The following PROSER2 variants were observed in gnomAD, a reference collection of about 807,000 sequenced individuals.
PROSER2 encodes proline and serine rich 2, also known as proline and serine-rich protein 2.
Under a neutral mutation model 14.6 loss-of-function variants are expected in PROSER2, and 18 were observed. That is an observed-to-expected ratio of 1.23 (90% CI 0.85 to 1.83). PROSER2 has a LOEUF of 1.83. Ranked by LOEUF, PROSER2 falls within the 40% of genes most tolerant of loss-of-function variation. The pLI is 0.00. For missense variants in PROSER2, 823 were observed against 629.8 expected, an observed-to-expected ratio of 1.31 and a Z score of -3.28; for synonymous variants, 367 against 286.4, an observed-to-expected ratio of 1.28 and a Z score of -2.84.
In PROSER2 at chr10:11,869,796, C is replaced by T. The variant is rs1423462178; in HGVS notation, c.698C>T (p.Pro233Leu). ...TGGAGGACACCTGCCGCCCGGGGGC[C>T]CCGCAGTGGAGACCCTGGCCCGGGG... ...GEWRTPAARG[P>L]RSGDPGPGPS... Residue 233 changes from proline (P) to leucine (L), a missense_variant, in exon 4 of 4, where the codon CCC becomes CTC. By Grantham distance (98) the Pro-to-Leu change is moderately conservative. Transcript: ENST00000277570. The surrounding 1 kb of genome is among the most constrained non-coding windows in gnomAD (Gnocchi z 4.4). 1.3e-6 allele frequency: 2 copies of T among 1,554,122 alleles called. No individual in the cohort carries two copies. Among genetic ancestry groups the T allele is most frequent in the East Asian group, 4.7e-5 (2 of 42,406 alleles).
At chr10:11,854,565 C>A (rs1322671782) in intron 2 of PROSER2, among the ~76,000 whole-genome samples, 3 of 151,832 alleles carry the variant, frequency 2.0e-5, no homozygotes, top group Non-Finnish European at 4.4e-5. Flanking sequence ...CCTGCCTCAG[C>A]CTTCGCAAGT....
rs1223916010 is a variant in PROSER2, at chr10:11,852,105, G to A, written c.28G>A (p.Ala10Thr). Residue 10 changes from alanine (A) to threonine (T), a missense_variant, in exon 2 of 4, where the codon GCA (alanine) becomes ACA (threonine). Ala to Thr is a moderately conservative substitution (Grantham distance 58). Transcript: ENST00000277570. The part of the protein sequence containing the change: MPVTHRKSD[A>T]SDMNSDTSPS... The stretch of plus-strand genomic sequence containing the variant: ...GCCTGTAACCCACCGGAAATCAGAC[G>A]CATCTGACATGAACTCAGACACGTC... 8.7e-6 allele frequency: 14 copies of A among 1,612,078 alleles called. No homozygotes were observed. The highest frequency in any genetic ancestry group is 1.6e-4 in the Middle Eastern group (1 of 6,078).
intron 1 of PROSER2, among the ~76,000 whole-genome samples, chr10:11,842,928 G>GTTTTTTTTTTTTTTTTTTTTTT (rs1554766492): frequency 1.9e-5 from 1 of 51,714 alleles, no homozygotes; most frequent in Non-Finnish European, 4.3e-5. Context: ...TTTTGCCATT[G>GTTTTTTTTTTTTTTTTTTTTTT]TTCTTTTTTT....
rs1240750788 is a variant in PROSER2, at chr10:11,837,903, C to T, written c.-81-14094C>T. On this transcript the variant is annotated intron_variant, in intron 1 of 3. Coordinates refer to ENST00000277570, the MANE Select transcript of PROSER2 (RefSeq NM_153256.4). The surrounding 1 kb of genome is among the most constrained non-coding windows in gnomAD (Gnocchi z 4.6). ...GTTACCTTCGGGGTTTTTCCTCTTC[C>T]TGTTCGTACACCCTTGCGGTCTTCG... Among the ~76,000 whole-genome samples, 1 of 152,042 alleles carries T rather than the reference C, an allele frequency of 6.6e-6. No homozygotes were observed. Among genetic ancestry groups the T allele is most frequent in the Non-Finnish European group, 1.5e-5 (1 of 68,020 alleles).
chr10:11,839,631 C>T (rs1833808154), intron 1 of PROSER2, among the ~76,000 whole-genome samples: 1 of 152,002 alleles, frequency 6.6e-6, no homozygotes, highest in Non-Finnish European at 1.5e-5. Flanking sequence ...TCAAGACCAG[C>T]CTGGGCAACA....
chr10:11,833,431 C>T (rs1037211557), intron 1 of PROSER2, among the ~76,000 whole-genome samples: 4 of 151,510 alleles, frequency 2.6e-5, no homozygotes, highest in South Asian at 2.1e-4. Flanking sequence ...TGGCTCACAC[C>T]GGTAATCCCA....
chr10:11,852,684 ATTTTTTTTTTT>A (rs33939695), intron 2 of PROSER2, among the ~76,000 whole-genome samples: 1 of 98,024 alleles, frequency 1.0e-5, no homozygotes, highest in Admixed American at 1.2e-4. Flanking sequence ...ACACCCGGCT[ATTTTTTTTTTT>A]TTTTTTTTTT....
At position 11,857,820 on chromosome 10, in the gene PROSER2, C is replaced by T. The variant is rs191388087; in HGVS notation, c.138+5605C>T. On this transcript the variant is annotated intron_variant, in intron 2 of 3. Transcript: ENST00000277570. ...TGTGCCGCGCCCACTTCGGCAACCT[C>T]GGAAGAGAGACTCTAAGTGCAGGTG... Among the ~76,000 whole-genome samples the T allele has an allele frequency of 1.3e-3, 202 of 151,986 alleles. 1 individual carries two copies. The highest frequency in any genetic ancestry group is 4.5e-3 in the African/African-American group (187 of 41,478).
intron 1 of PROSER2, among the ~76,000 whole-genome samples, chr10:11,825,907 G>T (rs758608294): frequency 1.3e-5 from 2 of 152,128 alleles, no homozygotes; most frequent in Non-Finnish European, 2.9e-5. Flanking sequence ...AAAATTTACC[G>T]CTTTAAAGTG....
Position 11,869,401 on chromosome 10 carries a change from T to C in PROSER2, c.392-89T>C, listed in dbSNP as rs150932606. 2.7e-4 allele frequency: 268 copies of C among 990,952 alleles called. No homozygotes were observed. In the African/African-American group the frequency reaches 3.9e-3, roughly 15 times the overall value. The allele number at this position is 990,952 out of a possible 1,614,324, so 61.4% of individuals were successfully genotyped here. Reference sequence around the variant, plus strand: ...GGCGAAGTTGGTGTCAGGTCCAGGTTGAGGCTCTTTTCAGTTCAGCGAGAG... The same window carrying C: ...GGCGAAGTTGGTGTCAGGTCCAGGTCGAGGCTCTTTTCAGTTCAGCGAGAG... On this transcript the variant is annotated intron_variant, in intron 3 of 3. Transcript: ENST00000277570. This position sits in a 1 kb window ranked among gnomAD's most constrained non-coding sequence, Gnocchi z 4.4.
rs1471029913 is a variant in PROSER2 at position 11,836,006 on chromosome 10, C to A, written c.-82+12536C>A. Reference sequence around the variant, plus strand: ...TGAAAAGGGCTTGGCTGTTAAGTCACCATATAGGGATTTTGGGGGGATGTG... The same window carrying A: ...TGAAAAGGGCTTGGCTGTTAAGTCAACATATAGGGATTTTGGGGGGATGTG... On this transcript the variant is annotated intron_variant, in intron 1 of 3. Coordinates refer to ENST00000277570, the MANE Select transcript of PROSER2 (RefSeq NM_153256.4). This position sits in a 1 kb window ranked among gnomAD's most constrained non-coding sequence, Gnocchi z 4.6. Among the ~76,000 whole-genome samples, 1 of 151,916 alleles carries A rather than the reference C, an allele frequency of 6.6e-6. No homozygotes were observed. Among genetic ancestry groups the A allele is most frequent in the Non-Finnish European group, 1.5e-5 (1 of 67,974 alleles).
chr10:11,862,187 C>T lies in PROSER2; in HGVS notation c.139-4344C>T, dbSNP rs773640343. Among the ~76,000 whole-genome samples the T allele has an allele frequency of 5.9e-5, 9 of 152,168 alleles. No individual in the cohort carries two copies. The highest frequency in any genetic ancestry group is 1.0e-4 in the Non-Finnish European group (7 of 68,024). On this transcript the variant is annotated intron_variant, in intron 2 of 3. Transcript: ENST00000277570. This position sits in a 1 kb window ranked among gnomAD's most constrained non-coding sequence, Gnocchi z 4.2. ...CCATATTCATGGGTCAAGAAAAGATCGCAGAGACATCAGTTCTCTGCAATT... is the reference window on the plus strand; with the variant it reads ...CCATATTCATGGGTCAAGAAAAGATTGCAGAGACATCAGTTCTCTGCAATT...
chr10:11,824,911 C>T (rs1833590336), intron 1 of PROSER2, among the ~76,000 whole-genome samples: 1 of 152,036 alleles, frequency 6.6e-6, no homozygotes, highest in African/African-American at 2.4e-5. Context: ...CTGTGGTTGC[C>T]GGGGGTGGGG....
rs767379693 is a variant in PROSER2 at position 11,830,425 on chromosome 10, G to A, written c.-82+6955G>A. Among the ~76,000 whole-genome samples, 73 of 152,204 alleles carry A rather than the reference G, an allele frequency of 4.8e-4. No individual in the cohort carries two copies. The highest frequency in any genetic ancestry group is 9.3e-4 in the Non-Finnish European group (63 of 68,018). ...TATACCACATTTTCTTTATCCTGTC[G>A]TCTGTCGATGGACGCCTAGATTGAT... is the stretch of plus-strand genomic sequence containing the variant. On this transcript the variant is annotated intron_variant, in intron 1 of 3. Coordinates refer to ENST00000277570, the MANE Select transcript of PROSER2 (RefSeq NM_153256.4). The surrounding 1 kb of genome is among the most constrained non-coding windows in gnomAD (Gnocchi z 4.5).
intron 3 of PROSER2, among the ~76,000 whole-genome samples, chr10:11,867,994 A>ACT (rs1834388875): frequency 3.9e-5 from 6 of 152,232 alleles, no homozygotes; most frequent in Non-Finnish European, 8.8e-5. Flanking sequence ...GTGTGTACAC[A>ACT]TGTATGTCTT....
Position 11,823,683 on chromosome 10 carries a change from G to T in PROSER2, c.-82+213G>T, listed in dbSNP as rs1833571991. Among the ~76,000 whole-genome samples, 1 of 151,996 alleles carries T rather than the reference G, an allele frequency of 6.6e-6. No individual in the cohort carries two copies. The highest frequency in any genetic ancestry group is 1.5e-5 in the Non-Finnish European group (1 of 67,948). On this transcript the variant is annotated intron_variant, in intron 1 of 3. Transcript: ENST00000277570. The surrounding 1 kb of genome is among the most constrained non-coding windows in gnomAD (Gnocchi z 6.2). Reference sequence around the variant, plus strand: ...GCCCGACCCCCGACCCCGGGGCGTCGCTGCCTCCTCGGGGACCTCGGAGTC... The same window carrying T: ...GCCCGACCCCCGACCCCGGGGCGTCTCTGCCTCCTCGGGGACCTCGGAGTC...
chr10:11,825,846 G>A (rs1833604857), intron 1 of PROSER2, among the ~76,000 whole-genome samples: 1 of 152,198 alleles, frequency 6.6e-6, no homozygotes, highest in African/African-American at 2.4e-5. Context: ...GTAGCACTGT[G>A]AAGAGTTCAT....
chr10:11,868,192 G>A (rs946982973), intron 3 of PROSER2, among the ~76,000 whole-genome samples: 8 of 152,224 alleles, frequency 5.3e-5, no homozygotes, highest in Non-Finnish European at 1.2e-4. Flanking sequence ...TAAAATGTGA[G>A]ATCACGTAGT....
intron 2 of PROSER2, among the ~76,000 whole-genome samples, chr10:11,852,482 C>T (rs1834040083): frequency 6.6e-6 from 1 of 152,006 alleles, no homozygotes; most frequent in African/African-American, 2.4e-5. Flanking sequence ...AGGCCCGGGG[C>T]AGAAACCAAC....
Sources: gnomAD v4.1 joint callset for allele counts (sites outside exome capture counted in the v4.1 genomes callset) on GRCh38, gnomAD v4.1.1 for gene constraint, Gnocchi (gnomAD v3.1) non-coding constraint, MANE v1.5 for transcripts, NCBI Gene and HGNC (gene_info 2026-07-23, HGNC 2026-07-21) for gene names.